The following CHM variants were observed in gnomAD, a reference collection of about 807,000 sequenced individuals.
CHM encodes rab proteins geranylgeranyltransferase component A 1.
Under a neutral mutation model 49.0 loss-of-function variants are expected in CHM, and 10 were observed. The ratio of observed to expected loss-of-function variants is 0.20; its 90% CI spans 0.13 to 0.35. CHM has a LOEUF of 0.35. CHM is among the 10% of genes least tolerant of loss of function. The pLI is 1.00. For synonymous variants in CHM, 184 were observed against 167.5 expected, an observed-to-expected ratio of 1.10 and a Z score of -0.76; for missense variants, 455 against 478.4, an observed-to-expected ratio of 0.95 and a Z score of 0.46.
chrX:85,864,453 GTGT>G lies in CHM; in HGVS notation c.*174_*176del. ...ATGAGCAAGTCAATGTGCTTTATAA[GTGT>G]TGTGTGTTCTTGGAATGTCCTCTAT... On this transcript the variant is annotated 3_prime_UTR_variant, in exon 15 of 15. Coordinates refer to ENST00000357749, the MANE Select transcript of CHM (RefSeq NM_000390.4). The G allele has an allele frequency of 2.1e-6, 1 of 465,185 alleles. No individual in the cohort carries two copies. Among genetic ancestry groups the G allele is most frequent in the Non-Finnish European group, 3.8e-6 (1 of 263,087 alleles). 38.3% of individuals were successfully genotyped at this position (465,185 alleles called of 1,213,427 possible). A position where few individuals can be genotyped will look rare whatever the true frequency, so the allele number is the denominator to read the frequency against.
chrX:85,947,540 C>T lies in CHM; in HGVS notation c.1166+8613G>A, dbSNP rs150630877. 7.6e-3 allele frequency among the ~76,000 whole-genome samples: 850 copies of T among 111,316 alleles called. 6 individuals carry two copies. The highest frequency in any genetic ancestry group is 0.025 in the African/African-American group (777 of 30,593). ...CCAGAAGTTGAGCAGATGCCAGTAC[C>T]ATGCTCCCTGTAAATCCTGCAGAAC... On this transcript the variant is annotated intron_variant, in intron 8 of 14. Transcript: ENST00000357749.
chrX:85,959,316 CCCT>C (rs1930171078), intron 5 of CHM, among the ~76,000 whole-genome samples: 2 of 111,427 alleles, frequency 1.8e-5, no homozygotes, highest in Non-Finnish European at 1.9e-5. Context: ...CCTCCTCAGA[CCCT>C]GCTAATAATT....
intron 2 of CHM, among the ~76,000 whole-genome samples, chrX:86,019,113 G>A (rs960893642): frequency 9.0e-6 from 1 of 111,696 alleles, no homozygotes; most frequent in Non-Finnish European, 1.9e-5. Context: ...AGGAAGAGGA[G>A]GCACACTTGA....
At chrX:85,919,464 G>A (rs1334392688) in intron 8 of CHM, among the ~76,000 whole-genome samples, 1 of 110,448 alleles carries the variant, frequency 9.1e-6, no homozygotes, top group Non-Finnish European at 1.9e-5. Flanking sequence ...GCTAAATGGG[G>A]CCTCAAATAC....
At chrX:86,021,257 C>T (rs188133735) in intron 2 of CHM, among the ~76,000 whole-genome samples, 3 of 102,495 alleles carry the variant, frequency 2.9e-5, no homozygotes, top group African/African-American at 1.1e-4. Flanking sequence ...GTGGCAGAAA[C>T]AGCATTGTTA....
intron 4 of CHM, chrX:85,970,018 T>C (rs73506449): frequency 0.038 from 4,329 of 112,628 alleles, 213 homozygotes; most frequent in African/African-American, 0.13. Flanking sequence ...ATTCTGGTAC[T>C]CTATCACACA....
chrX:85,944,799 C>T (rs1929311040), intron 8 of CHM, among the ~76,000 whole-genome samples: 1 of 111,839 alleles, frequency 8.9e-6, no homozygotes, highest in Non-Finnish European at 1.9e-5. Flanking sequence ...CAAAGGAATA[C>T]AAATCATTCT....
intron 1 of CHM, 42 bp from the exon 2 acceptor site, chrX:86,027,599 T>C (rs2147791335): frequency 2.7e-6 from 3 of 1,093,419 alleles, no homozygotes; most frequent in Non-Finnish European, 3.8e-6. Context: ...TGTAGAAATA[T>C]ATATATTTTA....
At position 85,861,988 on chromosome X, in the gene CHM, T is replaced by C. The variant is rs1437674254; in HGVS notation, c.*2642A>G. 1.4e-4 allele frequency: 16 copies of C among 112,340 alleles called. No individual in the cohort carries two copies. Among genetic ancestry groups the C allele is most frequent in the African/African-American group, 5.2e-4 (16 of 30,973 alleles). 9.3% of individuals were successfully genotyped at this position (112,340 alleles called of 1,213,427 possible). A position where few individuals can be genotyped will look rare whatever the true frequency, so the allele number is the denominator to read the frequency against. ...AAATATTTATTTGCAGTAATTAGGA[T>C]AGCTAAAATCAAAGCTCTAAGAATA... On this transcript the variant is annotated 3_prime_UTR_variant, in exon 15 of 15. Transcript: ENST00000357749.
chrX:85,904,044 AAC>A (rs1926448806), intron 9 of CHM, among the ~76,000 whole-genome samples: 1 of 111,929 alleles, frequency 8.9e-6, no homozygotes, highest in African/African-American at 3.2e-5. Flanking sequence ...TGAATAAAAA[AAC>A]ATTGATTTTA....
chrX:85,988,074 T>C (rs1363827307), intron 2 of CHM, among the ~76,000 whole-genome samples: 4 of 112,175 alleles, frequency 3.6e-5, no homozygotes, highest in Non-Finnish European at 5.6e-5. Flanking sequence ...TTCGGGCCAG[T>C]ATCCTTGATT....
intron 8 of CHM, among the ~76,000 whole-genome samples, chrX:85,948,869 G>T (rs993219024): frequency 9.0e-6 from 1 of 111,718 alleles, no homozygotes; most frequent in African/African-American, 3.3e-5. Flanking sequence ...GAATTATAAA[G>T]CATTATGAAG....
At chrX:86,009,556 C>T (rs779033190) in intron 2 of CHM, among the ~76,000 whole-genome samples, 7 of 112,104 alleles carry the variant, frequency 6.2e-5, no homozygotes, top group Non-Finnish European at 1.1e-4. Context: ...ATGGGTCATC[C>T]TAACAAAAAA....
intron 8 of CHM, among the ~76,000 whole-genome samples, chrX:85,926,378 C>T (rs1332252985): frequency 1.8e-5 from 2 of 111,171 alleles, no homozygotes; most frequent in Admixed American, 9.6e-5. Context: ...TTGTTCATAC[C>T]TTATTTACCC....
intron 2 of CHM, among the ~76,000 whole-genome samples, chrX:85,997,948 T>TA (rs1239110890): frequency 4.8e-5 from 5 of 104,272 alleles, no homozygotes; most frequent in East Asian, 3.0e-4. Flanking sequence ...AGACTCCGTC[T>TA]AAAAAAAAAA....
intron 4 of CHM, among the ~76,000 whole-genome samples, chrX:85,965,042 T>A (rs752192633): frequency 9.2e-4 from 103 of 112,247 alleles, no homozygotes; most frequent in Non-Finnish European, 1.6e-3. Flanking sequence ...TTCCTTTTCC[T>A]GTCTCTAAAC....
intron 4 of CHM, among the ~76,000 whole-genome samples, chrX:85,977,224 C>G (rs940850988): frequency 1.8e-5 from 2 of 112,154 alleles, no homozygotes; most frequent in African/African-American, 6.5e-5. Flanking sequence ...CTGCTTACTA[C>G]TATGACATTA....
At chrX:86,041,477 A>G (rs964713559) in intron 1 of CHM, among the ~76,000 whole-genome samples, 1 of 109,682 alleles carries the variant, frequency 9.1e-6, no homozygotes, top group African/African-American at 3.3e-5. Flanking sequence ...TATACCTCAA[A>G]TAAGACCGAT....
chrX:85,983,835 A>G (rs1266694092), intron 2 of CHM, among the ~76,000 whole-genome samples: 10 of 111,818 alleles, frequency 8.9e-5, no homozygotes, highest in Non-Finnish European at 1.9e-4. Context: ...AAAATGAAAA[A>G]CTTCCCTAAA....
Sources: gnomAD v4.1 joint callset for allele counts (sites outside exome capture counted in the v4.1 genomes callset) on GRCh38, gnomAD v4.1.1 for gene constraint, MANE v1.5 for transcripts, NCBI Gene and HGNC (gene_info 2026-07-23, HGNC 2026-07-21) for gene names.